Variants in MRPL39 observed in about 807,000 individuals in gnomAD.
MRPL39 encodes mitochondrial ribosomal protein L39.
A neutral mutation model predicts 44.5 loss-of-function variants in MRPL39; 35 were observed. That is an observed-to-expected ratio of 0.79 (90% confidence interval 0.60 to 1.04). MRPL39 has a LOEUF of 1.04. Among genes scored for constraint, MRPL39 ranks in the 50% least tolerant of loss-of-function variants. MRPL39 has a pLI of 0.00. For missense variants in MRPL39, 433 were observed against 413.5 expected, an observed-to-expected ratio of 1.05 and a Z score of -0.41; for synonymous variants, 139 against 136.1, an observed-to-expected ratio of 1.02 and a Z score of -0.15.
intron 6 of MRPL39, 120 bp downstream of exon 6, chr21:25,597,182 A>C: frequency 1.6e-6 from 1 of 635,172 alleles, no homozygotes; most frequent in Non-Finnish European, 2.7e-6. Context: ...GAGGTCTCAG[A>C]CTGGAAAATA....
At chr21:25,606,804 T>A in intron 1 of MRPL39, 149 bp from the exon 2 acceptor site, 1 of 629,442 alleles carries the variant, frequency 1.6e-6, no homozygotes, top group Non-Finnish European at 2.7e-6. Context: ...CCTCTACTTT[T>A]AAATTTGGCT....
chr21:25,603,983 A>T, intron 2 of MRPL39, 48 bp from the exon 3 acceptor site: 1 of 1,552,410 alleles, frequency 6.4e-7, no homozygotes, highest in Non-Finnish European at 8.8e-7. Flanking sequence ...CAGAGTGAAA[A>T]GTTACATGTT....
intron 2 of MRPL39, among the ~76,000 whole-genome samples, chr21:25,605,458 C>G (rs1601384943): frequency 6.7e-6 from 1 of 148,650 alleles, no homozygotes; most frequent in Non-Finnish European, 1.5e-5. Context: ...AAATACAACA[C>G]AGAGAGAGCC....
At chr21:25,602,352 CTT>C (rs1412331483) in intron 3 of MRPL39, among the ~76,000 whole-genome samples, 3 of 152,338 alleles carry the variant, frequency 2.0e-5, no homozygotes, top group East Asian at 3.9e-4. Context: ...CTGAACTTCT[CTT>C]TGTCTCAGTT....
At chr21:25,607,325 G>A in intron 1 of MRPL39, 78 bp downstream of exon 1, 1 of 1,531,214 alleles carries the variant, frequency 6.5e-7, no homozygotes, top group Non-Finnish European at 9.0e-7. Flanking sequence ...GGACCTCCCC[G>A]GCCCCGCCTC....
chr21:25,599,996 G>T, intron 4 of MRPL39, 130 bp from the exon 5 acceptor site: 1 of 675,528 alleles, frequency 1.5e-6, no homozygotes, highest in Non-Finnish European at 2.5e-6. Flanking sequence ...ATTATAAAAT[G>T]GTTGCCATTC....
chr21:25,602,536 A>G (rs2123253600), intron 3 of MRPL39, among the ~76,000 whole-genome samples: 1 of 152,354 alleles, frequency 6.6e-6, no homozygotes, highest in South Asian at 2.1e-4. Context: ...ATTTCAACAA[A>G]TATTTATTAA....
intron 5 of MRPL39, among the ~76,000 whole-genome samples, chr21:25,597,948 A>G (rs1254417894): frequency 6.6e-6 from 1 of 152,206 alleles, no homozygotes; most frequent in Non-Finnish European, 1.5e-5. Context: ...TCAATTTTAC[A>G]CAATTAAAAT....
chr21:25,587,616 T>G, intron 9 of MRPL39: 1 of 1,107,256 alleles, frequency 9.0e-7, no homozygotes, highest in East Asian at 2.4e-5. Flanking sequence ...ATAAATGTAC[T>G]GGCAAAGAAA....
chr21:25,592,511 T>A (rs2031210018), intron 8 of MRPL39, among the ~76,000 whole-genome samples: 1 of 152,094 alleles, frequency 6.6e-6, no homozygotes, highest in Admixed American at 6.5e-5. Context: ...TAAAAGGCAT[T>A]CCAGGAAGTC....
chr21:25,591,897 A>T lies in MRPL39; in HGVS notation c.921+915T>A, dbSNP rs577375219. Among the ~76,000 whole-genome samples, 8 of 152,352 alleles carry T rather than the reference A, an allele frequency of 5.3e-5. No individual in the cohort carries two copies. In the South Asian group the frequency reaches 1.2e-3, roughly 24 times the overall value. On this transcript the variant is annotated intron_variant, in intron 8 of 9. Transcript: ENST00000352957. ...GCAGCTTTATTTGTAATAGCCAAAG[A>T]CTGAAAATAACTCAGATGTCCTTTG...
At chr21:25,597,255 A>G (rs989194661) in intron 6 of MRPL39, 47 bp downstream of exon 6, 5 of 1,225,948 alleles carry the variant, frequency 4.1e-6, no homozygotes, top group South Asian at 2.7e-5. Context: ...TTTATTACAT[A>G]TAATACTGGG....
intron 9 of MRPL39, among the ~76,000 whole-genome samples, chr21:25,588,619 G>A (rs1435364916): frequency 2.6e-5 from 4 of 152,034 alleles, no homozygotes; most frequent in Middle Eastern, 3.4e-3. Context: ...TCATTTTCAC[G>A]ATATTAACAA....
intron 3 of MRPL39, 48 bp from the exon 4 acceptor site, chr21:25,601,515 T>G (rs757738369): frequency 1.4e-5 from 17 of 1,215,600 alleles, no homozygotes; most frequent in Non-Finnish European, 1.9e-5. Context: ...CACACTGAGA[T>G]TCACTAAAGT....
At chr21:25,594,023 A>C (rs1601373791) in intron 6 of MRPL39, 65 bp from the exon 7 acceptor site, 3 of 1,339,538 alleles carry the variant, frequency 2.2e-6, no homozygotes, top group Non-Finnish European at 3.2e-6. Flanking sequence ...GTTTAAAGAT[A>C]CCTCCCTTTC....
At chr21:25,597,255 A>T in intron 6 of MRPL39, 47 bp downstream of exon 6, 1 of 1,226,066 alleles carries the variant, frequency 8.2e-7, no homozygotes, top group South Asian at 1.3e-5. Flanking sequence ...TTTATTACAT[A>T]TAATACTGGG....
At chr21:25,606,404 G>A (rs2031668784) in intron 2 of MRPL39, 45 bp downstream of exon 2, 1 of 1,486,116 alleles carries the variant, frequency 6.7e-7, no homozygotes, top group African/African-American at 1.4e-5. Flanking sequence ...CTTCCACACA[G>A]CTTAAGTAAA....
At chr21:25,603,689 A>T in intron 3 of MRPL39, 107 bp downstream of exon 3, 1 of 1,192,338 alleles carries the variant, frequency 8.4e-7, no homozygotes, top group East Asian at 2.4e-5. Flanking sequence ...GTACGATACA[A>T]CATTTGAACT....
intron 9 of MRPL39, among the ~76,000 whole-genome samples, chr21:25,587,482 T>C (rs1164502729): frequency 2.0e-5 from 3 of 152,250 alleles, no homozygotes; most frequent in Admixed American, 6.5e-5. Context: ...AGACTAGGTT[T>C]ATATATCATT....
Sources: gnomAD v4.1 joint callset for allele counts (sites outside exome capture counted in the v4.1 genomes callset) on GRCh38, gnomAD v4.1.1 for gene constraint, MANE v1.5 for transcripts, NCBI Gene and HGNC (gene_info 2026-07-23, HGNC 2026-07-21) for gene names.